The following NUDCD1 variants were observed in gnomAD, a reference collection of about 807,000 sequenced individuals.
NUDCD1 encodes the protein NudC domain containing 1.
NUDCD1 carries 60 observed loss-of-function variants against 67.8 expected under a neutral mutation model. The observed-to-expected ratio is 0.88, with a 90% CI of 0.72 to 1.10. NUDCD1 has a LOEUF of 1.10. Among genes scored for constraint, NUDCD1 ranks in the 50% least tolerant of loss-of-function variants. The pLI, the probability that NUDCD1 is intolerant of heterozygous loss-of-function variation, is 0.00. For synonymous variants in NUDCD1, 244 were observed against 230.8 expected (o/e 1.06, Z -0.52); for missense variants, 643 against 695.0 (o/e 0.93, Z 0.84).
chr8:109,292,104 T>C (rs138705574), intron 4 of NUDCD1, among the ~76,000 whole-genome samples: 11 of 152,176 alleles, frequency 7.2e-5, no homozygotes, highest in African/African-American at 2.4e-4. Context: ...AATATTTAAA[T>C]ATATGTCAAA....
At chr8:109,329,216 C>T (rs897321730) in intron 1 of NUDCD1, among the ~76,000 whole-genome samples, 1 of 151,188 alleles carries the variant, frequency 6.6e-6, no homozygotes, top group South Asian at 2.1e-4. Context: ...AAAAATGAAA[C>T]GGGCATTCAT....
rs545844256 is a variant in NUDCD1 at position 109,293,595 on chromosome 8, T to C, written c.460-71A>G. On this transcript the variant is annotated intron_variant, in intron 3 of 9. Coordinates refer to ENST00000239690, the MANE Select transcript of NUDCD1 (RefSeq NM_032869.4). ...GAACACAGATAGCATAGAGGGAATATATAGGATTCTGGTGATTCAACAGTT... is the reference window on the plus strand; with the variant it reads ...GAACACAGATAGCATAGAGGGAATACATAGGATTCTGGTGATTCAACAGTT... 60 of 748,584 alleles carry C rather than the reference T, an allele frequency of 8.0e-5. No homozygotes were observed. The East Asian group carries it at 1.5e-3, about 18-fold the overall frequency. 46.4% of individuals were successfully genotyped at this position (748,584 alleles called of 1,614,324 possible). A position where few individuals can be genotyped will look rare whatever the true frequency, so the allele number is the denominator to read the frequency against.
intron 2 of NUDCD1, among the ~76,000 whole-genome samples, chr8:109,310,657 G>C (rs1815221727): frequency 6.6e-6 from 1 of 152,026 alleles, no homozygotes; most frequent in African/African-American, 2.4e-5. Flanking sequence ...CACAGCAAAA[G>C]GAACAGTCAG....
At chr8:109,256,620 T>C (rs990075002) in intron 8 of NUDCD1, among the ~76,000 whole-genome samples, 3 of 152,188 alleles carry the variant, frequency 2.0e-5, no homozygotes, top group Non-Finnish European at 4.4e-5. Flanking sequence ...TTTAAAAAGA[T>C]TACTTTGATC....
At chr8:109,258,947 C>T (rs60737161) in intron 8 of NUDCD1, among the ~76,000 whole-genome samples, 3,154 of 152,112 alleles carry the variant, frequency 0.021, 104 homozygotes, top group African/African-American at 0.071. Flanking sequence ...TCTCACAATC[C>T]CGAAAGAAAC....
chr8:109,296,662 T>C, intron 2 of NUDCD1, 93 bp from the exon 3 acceptor site: 1 of 884,852 alleles, frequency 1.1e-6, no homozygotes. Flanking sequence ...TTCTCTCCTT[T>C]TTAAGAGTTG....
chr8:109,315,709 CAT>C (rs1815375075), intron 2 of NUDCD1: 4 of 152,162 alleles, frequency 2.6e-5, no homozygotes, highest in Admixed American at 6.5e-5. Context: ...GCCATGTACA[CAT>C]GTTAAAATAT....
chr8:109,280,436 T>C (rs1428762860), intron 6 of NUDCD1, among the ~76,000 whole-genome samples: 1 of 152,180 alleles, frequency 6.6e-6, no homozygotes, highest in Non-Finnish European at 1.5e-5. Flanking sequence ...CGTGAGCCAC[T>C]GCAGCTAGCC....
rs181673079 is a variant in NUDCD1, at chr8:109,258,197, C to T, written c.1300-12716G>A. ...GCAGCCCATCTGTAACTGATTTTTGCATATGGTATGATGTAAAAGTCAAAA... is the reference window on the plus strand; with the variant it reads ...GCAGCCCATCTGTAACTGATTTTTGTATATGGTATGATGTAAAAGTCAAAA... On this transcript the variant is annotated intron_variant, in intron 8 of 9. Transcript: ENST00000239690. Among the ~76,000 whole-genome samples the T allele has an allele frequency of 2.0e-4, 31 of 152,150 alleles. No homozygotes were observed. The East Asian group carries it at 4.8e-3, about 24-fold the overall frequency.
chr8:109,275,438 C>A lies in NUDCD1; in HGVS notation c.1087G>T (p.Gly363Ter). ...EGLTWPELVI[G>*]DKQGELIRDS... The stretch of plus-strand genomic sequence containing the variant: ...CTTATAAGTTCCCCTTGTTTATCTC[C>A]AATTACTAGCTCTGGCCAGGTCAGT... The change falls in exon 7 of 10, where the codon GGA becomes TGA. Residue 363 changes from glycine to a stop codon, truncating the protein, a stop_gained. Transcript: ENST00000239690. LOFTEE classifies it high-confidence loss of function. 1 of 1,613,664 alleles carries A rather than the reference C, an allele frequency of 6.2e-7. No individual in the cohort carries two copies. Among genetic ancestry groups the A allele is most frequent in the Non-Finnish European group, 8.5e-7 (1 of 1,179,648 alleles).
At chr8:109,313,441 T>C (rs1255182245) in intron 2 of NUDCD1, among the ~76,000 whole-genome samples, 3 of 152,168 alleles carry the variant, frequency 2.0e-5, no homozygotes, top group Non-Finnish European at 4.4e-5. Context: ...GATAGACACA[T>C]GCTGACCTGT....
intron 2 of NUDCD1, among the ~76,000 whole-genome samples, chr8:109,320,765 T>C (rs890682140): frequency 6.6e-6 from 1 of 152,182 alleles, no homozygotes; most frequent in Non-Finnish European, 1.5e-5. Context: ...AAGTATTAAT[T>C]TGGGGAGCTA....
chr8:109,268,535 C>A (rs1452504970), intron 8 of NUDCD1, among the ~76,000 whole-genome samples: 1 of 152,004 alleles, frequency 6.6e-6, no homozygotes, highest in Non-Finnish European at 1.5e-5. Flanking sequence ...TCTTAGTGAC[C>A]AACATTAAAC....
At chr8:109,326,939 T>C (rs1198387361) in intron 1 of NUDCD1, among the ~76,000 whole-genome samples, 1 of 152,214 alleles carries the variant, frequency 6.6e-6, no homozygotes, top group Non-Finnish European at 1.5e-5. Flanking sequence ...AATACACTAT[T>C]ACTTGAACCA....
intron 8 of NUDCD1, among the ~76,000 whole-genome samples, chr8:109,252,171 G>C (rs1019781962): frequency 6.6e-6 from 1 of 152,104 alleles, no homozygotes; most frequent in Admixed American, 6.6e-5. Flanking sequence ...TGGTGAGGGG[G>C]ATGTGGGTTG....
chr8:109,333,488 G>A (rs968338698), intron 1 of NUDCD1, among the ~76,000 whole-genome samples: 6 of 152,190 alleles, frequency 3.9e-5, no homozygotes, highest in African/African-American at 1.2e-4. Flanking sequence ...CAGGAACTGG[G>A]GGTCCTCCAA....
At chr8:109,305,218 C>G (rs919967731) in intron 2 of NUDCD1, among the ~76,000 whole-genome samples, 7 of 152,200 alleles carry the variant, frequency 4.6e-5, no homozygotes, top group Admixed American at 2.6e-4. Context: ...AGTCAGGAAA[C>G]TAAAATACCT....
At chr8:109,333,221 G>C (rs1815853510) in intron 1 of NUDCD1, among the ~76,000 whole-genome samples, 1 of 152,104 alleles carries the variant, frequency 6.6e-6, no homozygotes, top group Admixed American at 6.6e-5. Context: ...AATCAGCAGG[G>C]GTGTGAATTT....
At chr8:109,313,698 A>G (rs1395287914) in intron 2 of NUDCD1, 10 of 432,890 alleles carry the variant, frequency 2.3e-5, no homozygotes, top group African/African-American at 4.1e-5. Flanking sequence ...TTAATCTAAT[A>G]AACCATTACT....
Sources: allele counts gnomAD v4.1 joint callset (sites outside exome capture counted in the v4.1 genomes callset), GRCh38; gene constraint gnomAD v4.1.1; transcripts MANE v1.5; gene names NCBI Gene and HGNC (gene_info 2026-07-23, HGNC 2026-07-21).